Variants in PPP1R12B observed in about 807,000 individuals in gnomAD.
PPP1R12B encodes protein phosphatase 1 regulatory subunit 12B.
PPP1R12B carries 76 observed loss-of-function variants against 126.1 expected under a neutral mutation model. That is an observed-to-expected ratio of 0.60 (90% CI 0.50 to 0.73). The LOEUF is 0.73. Ranked by LOEUF, PPP1R12B falls within the 30% of genes least tolerant of loss-of-function variation. The probability of loss-of-function intolerance (pLI) is 0.00; values close to 1 mark genes in which losing one functional copy is unlikely to be tolerated. For synonymous variants in PPP1R12B, 356 were observed against 434.7 expected (o/e 0.82, Z 2.25); for missense variants, 1,052 against 1,205.1 (o/e 0.87, Z 1.88).
chr1:202,463,088 G>A (rs749948460), intron 13 of PPP1R12B: 44 of 983,484 alleles, frequency 4.5e-5, no homozygotes, highest in Admixed American at 1.2e-4. Flanking sequence ...TGGAATGTCA[G>A]AAGCAGCAGG....
intron 1 of PPP1R12B, among the ~76,000 whole-genome samples, chr1:202,356,173 A>C (rs1055851515): frequency 1.3e-5 from 2 of 152,140 alleles, no homozygotes; most frequent in Non-Finnish European, 2.9e-5. Flanking sequence ...AGAGCAGAGC[A>C]AGACTGTGTC....
In PPP1R12B at chr1:202,425,160, A is replaced by G. The variant is rs867709202; in HGVS notation, c.542-406A>G. On this transcript the variant is annotated intron_variant, in intron 3 of 23. Transcript: ENST00000608999. ...CTAACCTTTCTATTTTTATTTCCTC[A>G]TCTGTTAAATGAAGATTGTAATATC... 6.6e-5 allele frequency among the ~76,000 whole-genome samples: 10 copies of G among 152,312 alleles called. No individual in the cohort carries two copies. In the South Asian group the frequency reaches 1.0e-3, roughly 16 times the overall value.
chr1:202,363,802 C>A (rs554061120), intron 1 of PPP1R12B, among the ~76,000 whole-genome samples: 1 of 152,304 alleles, frequency 6.6e-6, no homozygotes, highest in South Asian at 2.1e-4. Flanking sequence ...CTGTTTGTTG[C>A]CCAGGCTGGA....
intron 1 of PPP1R12B, among the ~76,000 whole-genome samples, chr1:202,412,451 T>C (rs1667520735): frequency 6.6e-6 from 1 of 152,234 alleles, no homozygotes; most frequent in South Asian, 2.1e-4. Flanking sequence ...ATACCTGGAC[T>C]AGCTGGGCTT....
At chr1:202,391,418 T>C (rs1007624004) in intron 1 of PPP1R12B, among the ~76,000 whole-genome samples, 1 of 152,176 alleles carries the variant, frequency 6.6e-6, no homozygotes, top group African/African-American at 2.4e-5. Flanking sequence ...GGAGCTCTCA[T>C]ATACTGCTGG....
rs1385755175 is a variant in PPP1R12B, at chr1:202,382,516, A to T, written c.291+33374A>T. Among the ~76,000 whole-genome samples the T allele has an allele frequency of 4.0e-5, 6 of 151,482 alleles. No individual in the cohort carries two copies. The East Asian group carries it at 1.2e-3, about 29-fold the overall frequency. On this transcript the variant is annotated intron_variant, in intron 1 of 23. Transcript: ENST00000608999. Reference sequence around the variant, plus strand: ...AAAAAAAAAAAAGAAACAAATCTCCAACTTGGAAAGTTTGGAAAACAAAGC... The same window carrying T: ...AAAAAAAAAAAAGAAACAAATCTCCTACTTGGAAAGTTTGGAAAACAAAGC...
intron 19 of PPP1R12B, among the ~76,000 whole-genome samples, chr1:202,559,917 T>C (rs1301721271): frequency 6.6e-6 from 1 of 152,168 alleles, no homozygotes; most frequent in Non-Finnish European, 1.5e-5. Flanking sequence ...CCCACAGACT[T>C]CAAAATATGC....
At chr1:202,569,444 GT>G (rs1558387278) in intron 23 of PPP1R12B, among the ~76,000 whole-genome samples, 1 of 152,126 alleles carries the variant, frequency 6.6e-6, no homozygotes, top group Admixed American at 6.5e-5. Context: ...TTAAGGAGAG[GT>G]CTTGGCAGGC....
intron 1 of PPP1R12B, among the ~76,000 whole-genome samples, chr1:202,382,644 A>AG (rs970784609): frequency 3.3e-5 from 5 of 151,844 alleles, no homozygotes; most frequent in Admixed American, 6.6e-5. Context: ...TGGGAGGCTG[A>AG]GGGGGGTGGA....
chr1:202,450,723 G>A (rs1672823041), intron 13 of PPP1R12B, among the ~76,000 whole-genome samples: 1 of 152,162 alleles, frequency 6.6e-6, no homozygotes, highest in Non-Finnish European at 1.5e-5. Context: ...TGGTCTATAT[G>A]TCTGTTTTTA....
intron 13 of PPP1R12B, among the ~76,000 whole-genome samples, chr1:202,469,526 T>C (rs1675550660): frequency 1.3e-5 from 2 of 152,178 alleles, no homozygotes; most frequent in African/African-American, 4.8e-5. Flanking sequence ...GACTACCAAG[T>C]AGCATGAGTG....
intron 13 of PPP1R12B, among the ~76,000 whole-genome samples, chr1:202,479,430 G>A (rs1677067359): frequency 6.6e-6 from 1 of 152,150 alleles, no homozygotes; most frequent in Non-Finnish European, 1.5e-5. Context: ...CCTTAAAAGG[G>A]TAAACCCAAC....
rs866968128 is a variant in PPP1R12B, at chr1:202,529,295, T to C, written c.2491-29582T>C. On this transcript the variant is annotated intron_variant, in intron 18 of 23. Coordinates refer to ENST00000608999, the MANE Select transcript of PPP1R12B (RefSeq NM_002481.4). ...CTTTCATATACTCTTCCAGGATCTA[T>C]GTTATTATTGAAAAAAAAAAAAAAA... 9.9e-5 allele frequency among the ~76,000 whole-genome samples: 15 copies of C among 151,106 alleles called. No individual in the cohort carries two copies. The South Asian group carries it at 2.5e-3, about 25-fold the overall frequency.
intron 13 of PPP1R12B, among the ~76,000 whole-genome samples, chr1:202,488,185 G>T (rs1321019037): frequency 6.6e-6 from 1 of 152,222 alleles, no homozygotes; most frequent in African/African-American, 2.4e-5. Flanking sequence ...TGCATCTCAG[G>T]AGGGACAGAA....
Position 202,412,153 on chromosome 1 carries a change from G to A in PPP1R12B, c.292-4634G>A, listed in dbSNP as rs1433615524. 2.0e-5 allele frequency among the ~76,000 whole-genome samples: 3 copies of A among 152,078 alleles called. No homozygotes were observed. In the South Asian group the frequency reaches 6.2e-4, roughly 31 times the overall value. ...CAAACTTCCTTACAGTGTCATTCCC[G>A]TAAAATTTTGTATCAAACTGGCTGT... On this transcript the variant is annotated intron_variant, in intron 1 of 23. Coordinates refer to ENST00000608999, the MANE Select transcript of PPP1R12B (RefSeq NM_002481.4).
chr1:202,528,747 G>GTT (rs202015919), intron 18 of PPP1R12B, among the ~76,000 whole-genome samples: 1 of 148,758 alleles, frequency 6.7e-6, no homozygotes, highest in African/African-American at 2.5e-5. Context: ...TTTTGTTTTT[G>GTT]TTTTTTTTTA....
chr1:202,443,922 T>G (rs1268509687), intron 12 of PPP1R12B, among the ~76,000 whole-genome samples: 1 of 152,206 alleles, frequency 6.6e-6, no homozygotes, highest in East Asian at 1.9e-4. Flanking sequence ...AGGGACAGGC[T>G]GCCTCTATTT....
intron 20 of PPP1R12B, among the ~76,000 whole-genome samples, chr1:202,563,717 G>A (rs998524441): frequency 1.3e-5 from 2 of 151,220 alleles, no homozygotes; most frequent in Non-Finnish European, 2.9e-5. Flanking sequence ...TCCAAGAGTA[G>A]ACTTAAAAAC....
At chr1:202,488,493 C>A in intron 13 of PPP1R12B, 40 bp from the exon 14 acceptor site, 1 of 1,453,246 alleles carries the variant, frequency 6.9e-7, no homozygotes, top group Non-Finnish European at 9.6e-7. Flanking sequence ...GTATATGCAG[C>A]AAAGATCTTG....
Sources: allele counts gnomAD v4.1 joint callset (sites outside exome capture counted in the v4.1 genomes callset), GRCh38; gene constraint gnomAD v4.1.1; transcripts MANE v1.5; gene names NCBI Gene and HGNC (gene_info 2026-07-23, HGNC 2026-07-21).